The following DDX4 variants were observed in gnomAD, a reference collection of about 807,000 sequenced individuals.
DDX4 encodes the protein probable ATP-dependent RNA helicase DDX4.
A neutral mutation model predicts 100.0 loss-of-function variants in DDX4; 25 were observed. That is an observed-to-expected ratio of 0.25 (90% CI 0.18 to 0.35). DDX4 has a LOEUF of 0.35. Ranked by LOEUF, DDX4 falls within the 10% of genes least tolerant of loss-of-function variation. The pLI is 1.00. For synonymous variants in DDX4, 259 were observed against 275.7 expected (o/e 0.94, Z 0.60); for missense variants, 635 against 882.4 (o/e 0.72, Z 3.55).
At chr5:55,805,589 T>G (rs1743644745) in intron 18 of DDX4, among the ~76,000 whole-genome samples, 1 of 152,178 alleles carries the variant, frequency 6.6e-6, no homozygotes, top group Non-Finnish European at 1.5e-5. Flanking sequence ...GATCATGTGG[T>G]TTTTGTCTTT....
rs1487847460 is a variant in DDX4, at chr5:55,746,174, C to A, written c.80C>A (p.Ser27Tyr). 3.7e-6 allele frequency: 6 copies of A among 1,612,012 alleles called. No homozygotes were observed. Among genetic ancestry groups the A allele is most frequent in the Non-Finnish European group, 5.1e-6 (6 of 1,179,288 alleles). ...TCTTCTTTCTCACAGGATAGGTATTCTGGAGAAAATGGAGACAATTTTAAC... is the reference window on the plus strand; with the variant it reads ...TCTTCTTTCTCACAGGATAGGTATTATGGAGAAAATGGAGACAATTTTAAC... ...YVPIFEKDRYSGENGDNFNRT... is the reference protein window; with the variant it reads ...YVPIFEKDRYYGENGDNFNRT... The change falls in exon 3 of 22, where the codon TCT becomes TAT. Residue 27 changes from serine (S) to tyrosine (Y), a missense_variant. Coordinates refer to ENST00000505374, the MANE Select transcript of DDX4 (RefSeq NM_024415.3).
At chr5:55,760,335 G>A in intron 4 of DDX4, 58 bp downstream of exon 4, 8 of 1,469,604 alleles carry the variant, frequency 5.4e-6, no homozygotes, top group Non-Finnish European at 7.2e-6. Context: ...GATATATAGA[G>A]GCTTTCATGG....
intron 6 of DDX4, among the ~76,000 whole-genome samples, chr5:55,765,413 A>AATATATATATATATATATATAT (rs397997793): frequency 9.6e-5 from 8 of 83,042 alleles, no homozygotes; most frequent in African/African-American, 3.5e-4. Context: ...AAAAAAAAAA[A>AATATATATATATATATATATAT]ATATATATAT....
At chr5:55,782,157 T>G (rs1375798610) in intron 10 of DDX4, 176 bp downstream of exon 10, 1 of 640,548 alleles carries the variant, frequency 1.6e-6, no homozygotes, top group Non-Finnish European at 2.7e-6. Context: ...AGATAGTTCC[T>G]TAATACCCTC....
intron 2 of DDX4, among the ~76,000 whole-genome samples, 186 bp downstream of exon 2, chr5:55,739,218 T>G (rs538087547): frequency 6.6e-6 from 1 of 152,316 alleles, no homozygotes; most frequent in East Asian, 1.9e-4. Flanking sequence ...TTGAGGCAAT[T>G]TGATAATTAA....
chr5:55,761,602 CCTTTTTTTTTTCTTTTT>C (rs1740553522), intron 4 of DDX4, among the ~76,000 whole-genome samples: 1 of 147,728 alleles, frequency 6.8e-6, no homozygotes, highest in African/African-American at 2.5e-5. Flanking sequence ...TATATAGTTT[CCTTTTTTTTTTCTTTTT>C]CTTTTTTGAG....
chr5:55,815,430 A>T lies in DDX4; in HGVS notation c.2097+7A>T. 6.2e-7 allele frequency: 1 copy of T among 1,600,178 alleles called. No individual in the cohort carries two copies. The highest frequency in any genetic ancestry group is 2.2e-5 in the East Asian group (1 of 44,778). ...ATCAGTTGATACCAGAAAGGTTAGT[A>T]GAAAGGAAAACTTGAGAACTTGTCT... is the stretch of plus-strand genomic sequence containing the variant. On this transcript the variant is annotated splice_region_variant and intron_variant, in intron 21 of 21. Coordinates refer to ENST00000505374, the MANE Select transcript of DDX4 (RefSeq NM_024415.3).
chr5:55,751,556 A>G (rs1580517505), intron 3 of DDX4, among the ~76,000 whole-genome samples: 2 of 152,346 alleles, frequency 1.3e-5, no homozygotes, highest in East Asian at 1.9e-4. Context: ...CTATGCATGT[A>G]TCTGACTGTC....
chr5:55,792,689 A>C lies in DDX4; in HGVS notation c.1351A>C (p.Met451Leu). The part of the protein sequence containing the change: ...KYLVLDEADR[M>L]LDMGFGPEMK... ...CTTAGTTTTGGATGAAGCTGATCGC[A>C]TGTTGGATATGGGTTTTGGTCCAGA... The change falls in exon 17 of 22, where the codon ATG (methionine) becomes CTG (leucine). Residue 451 changes from methionine to leucine, a missense_variant. Met to Leu is a conservative substitution (Grantham distance 15). Coordinates refer to ENST00000505374, the MANE Select transcript of DDX4 (RefSeq NM_024415.3). The C allele has an allele frequency of 1.9e-6, 3 of 1,598,818 alleles. No individual in the cohort carries two copies. In the South Asian group the frequency reaches 3.4e-5, roughly 18 times the overall value.
rs1561488396 is a variant in DDX4 at position 55,763,228 on chromosome 5, G to C, written c.259G>C (p.Val87Leu). The C allele has an allele frequency of 1.2e-6, 2 of 1,610,992 alleles. No individual in the cohort carries two copies. Among genetic ancestry groups the C allele is most frequent in the Non-Finnish European group, 1.7e-6 (2 of 1,177,632 alleles). Reference protein sequence around the residue: ...DNTSTMGGFGVGKSFGNRGFS... With the variant: ...DNTSTMGGFGLGKSFGNRGFS... ...TACATCCACAATGGGTGGTTTTGGA[G>C]TTGGAAAGAGTTTTGGAAACAGAGG... Residue 87 changes from valine to leucine, a missense_variant, in exon 5 of 22, where the codon GTT becomes CTT. Physicochemically the swap from Val to Leu is conservative, Grantham distance 32. Around this residue, in one of 4 missense-constraint regions of DDX4, gnomAD observed 446 missense variants for 540.8 expected, o/e 0.82. Coordinates refer to ENST00000505374, the MANE Select transcript of DDX4 (RefSeq NM_024415.3).
Position 55,758,140 on chromosome 5 carries a change from A to G in DDX4, c.128-2060A>G, listed in dbSNP as rs75755753. On this transcript the variant is annotated intron_variant, in intron 3 of 21. Transcript: ENST00000505374. ...CTCATCATTCCTTAGTTTGCTAAGT[A>G]TATGTTAAGTCATGAAAGGTGTTAA... Among the ~76,000 whole-genome samples, 527 of 152,278 alleles carry G rather than the reference A, an allele frequency of 3.5e-3. 7 individuals carry two copies. Among genetic ancestry groups the G allele is most frequent in the African/African-American group, 0.012 (511 of 41,556 alleles).
In DDX4 at chr5:55,788,803, C is replaced by T. The variant is rs76201156; in HGVS notation, c.1172+803C>T. ...TGTTTTGGCCAGATATGATGTCTTACACCTGTAATCCTAGCACTTTGGGAG... is the reference window on the plus strand; with the variant it reads ...TGTTTTGGCCAGATATGATGTCTTATACCTGTAATCCTAGCACTTTGGGAG... On this transcript the variant is annotated intron_variant, in intron 15 of 21. Transcript: ENST00000505374. Among the ~76,000 whole-genome samples, 5 of 152,050 alleles carry T rather than the reference C, an allele frequency of 3.3e-5. No individual in the cohort carries two copies. In the East Asian group the frequency reaches 9.7e-4, roughly 29 times the overall value.
chr5:55,756,293 A>G (rs1759929390), intron 3 of DDX4, among the ~76,000 whole-genome samples: 1 of 152,178 alleles, frequency 6.6e-6, no homozygotes, highest in Non-Finnish European at 1.5e-5. Context: ...GAACTACTGC[A>G]TCAGAATGTG....
chr5:55,786,947 A>G (rs1742284793), intron 14 of DDX4, among the ~76,000 whole-genome samples: 1 of 152,240 alleles, frequency 6.6e-6, no homozygotes, highest in South Asian at 2.1e-4. Flanking sequence ...AAAGTGACTG[A>G]AAGTCAAAGC....
At chr5:55,795,218 G>A (rs1742857026) in intron 17 of DDX4, among the ~76,000 whole-genome samples, 1 of 152,146 alleles carries the variant, frequency 6.6e-6, no homozygotes, top group African/African-American at 2.4e-5. Context: ...GTCCGCCTCA[G>A]CCTCCCAGAG....
intron 7 of DDX4, among the ~76,000 whole-genome samples, chr5:55,774,339 A>G (rs1012899023): frequency 6.6e-6 from 1 of 151,886 alleles, no homozygotes; most frequent in Admixed American, 6.6e-5. Context: ...TTTTGTAGGG[A>G]TGGGGTCTCA....
rs1470572472 is a variant in DDX4 at position 55,782,084 on chromosome 5, G to A, written c.625+103G>A. 11 of 1,354,168 alleles carry A rather than the reference G, an allele frequency of 8.1e-6. No homozygotes were observed. The East Asian group carries it at 2.7e-4, about 34-fold the overall frequency. The allele number at this position is 1,354,168 out of a possible 1,614,324, so 83.9% of individuals were successfully genotyped here. A position where few individuals can be genotyped will look rare whatever the true frequency, so the allele number is the denominator to read the frequency against. On this transcript the variant is annotated intron_variant, in intron 10 of 21. Transcript: ENST00000505374. ...GTTGGAAACAAATTTAATTTTTGAA[G>A]TTAAAGGTAACTGTTATTGCTTTTA... is the stretch of plus-strand genomic sequence containing the variant.
intron 18 of DDX4, among the ~76,000 whole-genome samples, chr5:55,804,747 C>G (rs2112141874): frequency 6.6e-6 from 1 of 152,208 alleles, no homozygotes; most frequent in East Asian, 1.9e-4. Flanking sequence ...AGTTTGAAGT[C>G]AGGTAGTGTG....
intron 19 of DDX4, among the ~76,000 whole-genome samples, chr5:55,814,196 C>T (rs1407375952): frequency 6.6e-6 from 1 of 152,138 alleles, no homozygotes; most frequent in Non-Finnish European, 1.5e-5. Context: ...CCTAAAATAT[C>T]ACGTAGTATA....
Sources: gnomAD v4.1 joint callset for allele counts (sites outside exome capture counted in the v4.1 genomes callset) on GRCh38, gnomAD v4.1.1 for gene constraint, gnomAD v4.1.1 regional missense constraint, MANE v1.5 for transcripts, NCBI Gene and HGNC (gene_info 2026-07-23, HGNC 2026-07-21) for gene names.